Variants in ST18 observed in about 807,000 individuals in gnomAD.
The protein encoded by ST18 is suppression of tumorigenicity 18 protein.
A neutral mutation model predicts 110.0 loss-of-function variants in ST18; 50 were observed. The ratio of observed to expected loss-of-function variants is 0.45; its 90% confidence interval spans 0.36 to 0.58. ST18 has a LOEUF of 0.58. ST18 is among the 20% of genes least tolerant of loss of function. The pLI, the probability that ST18 is intolerant of heterozygous loss-of-function variation, is 0.00. For synonymous variants in ST18, 461 were observed against 452.4 expected, an observed-to-expected ratio of 1.02 and a Z score of -0.24; for missense variants, 1,306 against 1,280.1, an observed-to-expected ratio of 1.02 and a Z score of -0.31.
intron 2 of ST18, among the ~76,000 whole-genome samples, chr8:52,307,605 AAAGT>A (rs1173354069): frequency 1.3e-5 from 2 of 152,214 alleles, no homozygotes; most frequent in East Asian, 3.8e-4. Context: ...AAATTTAGAA[AAAGT>A]AAGAAAAATC....
chr8:52,369,153 A>G (rs1829295777), intron 2 of ST18, among the ~76,000 whole-genome samples: 1 of 152,214 alleles, frequency 6.6e-6, no homozygotes, highest in African/African-American at 2.4e-5. Context: ...TGAAAATTAT[A>G]TTTCTATGAT....
rs117244368 is a variant in ST18 at position 52,123,829 on chromosome 8, T to C, written c.2755+2223A>G. Among the ~76,000 whole-genome samples, 873 of 152,376 alleles carry C rather than the reference T, an allele frequency of 5.7e-3. 16 individuals carry two copies. The highest frequency in any genetic ancestry group is 7.4e-3 in the Non-Finnish European group (504 of 68,030). Reference sequence around the variant, plus strand: ...CCCCCTGCAAAGCTCTATCATAATTTGATGTAATGCCAGATGACTGTTCTG... The same window carrying C: ...CCCCCTGCAAAGCTCTATCATAATTCGATGTAATGCCAGATGACTGTTCTG... On this transcript the variant is annotated intron_variant, in intron 23 of 25. Transcript: ENST00000689386.
chr8:52,398,938 T>TAATA (rs1385614477), intron 2 of ST18, among the ~76,000 whole-genome samples: 12 of 152,202 alleles, frequency 7.9e-5, no homozygotes, highest in Admixed American at 7.9e-4. Flanking sequence ...GGTATCAAGG[T>TAATA]AATAATGCCC....
intron 23 of ST18, among the ~76,000 whole-genome samples, chr8:52,122,713 T>C (rs1297781087): frequency 1.3e-5 from 2 of 152,052 alleles, no homozygotes; most frequent in Non-Finnish European, 2.9e-5. Flanking sequence ...AGTCTTGAAC[T>C]CCTGACCTCG....
chr8:52,120,587 G>C (rs1353057813), intron 23 of ST18, among the ~76,000 whole-genome samples: 1 of 152,150 alleles, frequency 6.6e-6, no homozygotes, highest in Non-Finnish European at 1.5e-5. Context: ...GCTGGGAAGG[G>C]AGTGAGTGCC....
intron 8 of ST18, among the ~76,000 whole-genome samples, chr8:52,192,778 T>C (rs928692281): frequency 6.6e-6 from 1 of 152,248 alleles, no homozygotes; most frequent in Non-Finnish European, 1.5e-5. Flanking sequence ...CCTGTAGGTC[T>C]GAGGATCTTG....
In ST18 at chr8:52,133,175, T is replaced by C. The variant is rs377301636; in HGVS notation, c.2364-38A>G. On this transcript the variant is annotated intron_variant, in intron 20 of 25. Coordinates refer to ENST00000689386, the MANE Select transcript of ST18 (RefSeq NM_001352837.2). ...CCCGACAAAGAACAAAGCAAAATTA[T>C]GTGATCTCTCTGACTGCTGCCGACA... 95 of 1,614,198 alleles carry C rather than the reference T, an allele frequency of 5.9e-5. 1 individual carries two copies. The South Asian group carries it at 7.9e-4, about 13-fold the overall frequency.
At chr8:52,272,243 G>C (rs562648759) in intron 2 of ST18, among the ~76,000 whole-genome samples, 2 of 152,246 alleles carry the variant, frequency 1.3e-5, no homozygotes, top group South Asian at 4.1e-4. Context: ...GCCCAGGAAA[G>C]GGAACAATCA....
At chr8:52,407,014 C>G (rs1844756881) in intron 2 of ST18, 1 of 152,142 alleles carries the variant, frequency 6.6e-6, no homozygotes. Context: ...CCTAATTAGC[C>G]TATAAGAATG....
intron 2 of ST18, among the ~76,000 whole-genome samples, chr8:52,399,286 C>T (rs918338625): frequency 4.6e-5 from 7 of 151,804 alleles, no homozygotes; most frequent in African/African-American, 1.7e-4. Context: ...TGTAATGTCT[C>T]CACTTTCATT....
intron 2 of ST18, among the ~76,000 whole-genome samples, chr8:52,313,991 C>A (rs956885041): frequency 6.6e-6 from 1 of 152,188 alleles, no homozygotes; most frequent in Non-Finnish European, 1.5e-5. Context: ...CAGCTGATGG[C>A]TCCACTGGGC....
At chr8:52,133,016 C>A (rs752477054) in intron 21 of ST18, 41 bp downstream of exon 21, 2 of 1,607,652 alleles carry the variant, frequency 1.2e-6, no homozygotes, top group Non-Finnish European at 8.5e-7. Flanking sequence ...ATTTTACCAA[C>A]AAGAGACAGC....
intron 13 of ST18, 53 bp downstream of exon 13, chr8:52,163,933 T>C (rs2062118425): frequency 3.5e-6 from 5 of 1,408,490 alleles, no homozygotes; most frequent in Non-Finnish European, 2.0e-6. Flanking sequence ...GAGGCCCCGC[T>C]GTGCAGGAGC....
chr8:52,304,114 A>G (rs1057144479), intron 2 of ST18, among the ~76,000 whole-genome samples: 5 of 152,366 alleles, frequency 3.3e-5, no homozygotes, highest in African/African-American at 9.6e-5. Flanking sequence ...ACAACTATTT[A>G]TAGCATAAAA....
chr8:52,265,062 G>C (rs1449931424), intron 2 of ST18, among the ~76,000 whole-genome samples: 2 of 152,306 alleles, frequency 1.3e-5, no homozygotes, highest in Middle Eastern at 3.4e-3. Context: ...CTGCACGATG[G>C]AGCTGAGAAT....
chr8:52,142,500 A>G (rs906658952), intron 17 of ST18, among the ~76,000 whole-genome samples: 1 of 152,182 alleles, frequency 6.6e-6, no homozygotes, highest in African/African-American at 2.4e-5. Context: ...TTCACCCGCT[A>G]GTACATAACT....
chr8:52,134,612 T>G (rs1297802286), intron 19 of ST18, among the ~76,000 whole-genome samples: 1 of 152,206 alleles, frequency 6.6e-6, no homozygotes, highest in Non-Finnish European at 1.5e-5. Flanking sequence ...TGCCTTTTTT[T>G]TTTCTTTTTT....
chr8:52,119,643 A>C (rs2043914320), intron 23 of ST18, among the ~76,000 whole-genome samples: 1 of 152,208 alleles, frequency 6.6e-6, no homozygotes, highest in Non-Finnish European at 1.5e-5. Context: ...GGAAGCATGC[A>C]TAAGGTGTAC....
chr8:52,338,721 G>A (rs1163912392), intron 2 of ST18, among the ~76,000 whole-genome samples: 2 of 151,938 alleles, frequency 1.3e-5, no homozygotes, highest in East Asian at 3.9e-4. Flanking sequence ...ATCACACCTG[G>A]CCTCTTTTTT....
Sources: allele counts gnomAD v4.1 joint callset (sites outside exome capture counted in the v4.1 genomes callset), GRCh38; gene constraint gnomAD v4.1.1; transcripts MANE v1.5; gene names NCBI Gene and HGNC (gene_info 2026-07-23, HGNC 2026-07-21).